The following SCHIP1 variants were observed in gnomAD, a reference collection of about 807,000 sequenced individuals.
SCHIP1 encodes schwannomin interacting protein 1.
In SCHIP1, 8 loss-of-function variants were observed where a neutral mutation model predicts 29.7. The ratio of observed to expected loss-of-function variants is 0.27; its 90% CI spans 0.16 to 0.49. The LOEUF is 0.49. Among genes scored for constraint, SCHIP1 ranks in the 20% least tolerant of loss-of-function variants. SCHIP1 has a pLI of 0.99. For missense variants in SCHIP1, 193 were observed against 294.6 expected (o/e 0.66, Z 2.52); for synonymous variants, 76 against 94.9 (o/e 0.80, Z 1.16).
At chr3:159,578,114 T>A in the SCHIP1 span, among the ~76,000 whole-genome samples, 1 of 152,040 alleles carries the variant, frequency 6.6e-6, no homozygotes. Flanking sequence ...AACTCACAGG[T>A]GACAATGTTG....
At chr3:159,765,364 C>T in the SCHIP1 span, 1 of 502,954 alleles carries the variant, frequency 2.0e-6, no homozygotes, top group Non-Finnish European at 3.4e-6. Context: ...GGAGGAGCAG[C>T]CAGAGGGCAG....
the SCHIP1 span, among the ~76,000 whole-genome samples, chr3:159,540,657 C>A: frequency 6.6e-6 from 1 of 152,034 alleles, no homozygotes; most frequent in African/African-American, 2.4e-5. Flanking sequence ...CAACATGACC[C>A]ATAGAGGGTT....
chr3:159,882,248 G>GTGAT (rs1447105246), intron 2 of SCHIP1, among the ~76,000 whole-genome samples: 3 of 152,136 alleles, frequency 2.0e-5, no homozygotes, highest in African/African-American at 7.2e-5. Context: ...TAATCCACAG[G>GTGAT]TGATTATACA....
the SCHIP1 span, among the ~76,000 whole-genome samples, chr3:159,759,275 A>G: frequency 6.6e-6 from 1 of 152,234 alleles, no homozygotes; most frequent in Admixed American, 6.5e-5. Context: ...AGTTAAGATT[A>G]ACCCATTGGC....
At chr3:159,757,902 T>C in the SCHIP1 span, among the ~76,000 whole-genome samples, 1 of 152,210 alleles carries the variant, frequency 6.6e-6, no homozygotes, top group East Asian at 1.9e-4. Context: ...CAGTTTTAAA[T>C]TCCTAGAGTA....
the SCHIP1 span, among the ~76,000 whole-genome samples, chr3:159,606,007 A>C: frequency 6.6e-6 from 1 of 152,206 alleles, no homozygotes; most frequent in Non-Finnish European, 1.5e-5. Flanking sequence ...GCTGCCTCAC[A>C]TAGCAGAAAG....
the SCHIP1 span, among the ~76,000 whole-genome samples, chr3:159,481,344 T>C: frequency 6.6e-6 from 1 of 152,218 alleles, no homozygotes; most frequent in African/African-American, 2.4e-5. Flanking sequence ...TTTTAGGTGA[T>C]ACAGTCTACA....
At chr3:159,693,910 C>T in the SCHIP1 span, among the ~76,000 whole-genome samples, 7 of 152,262 alleles carry the variant, frequency 4.6e-5, no homozygotes, top group South Asian at 8.3e-4. Flanking sequence ...GTACGTGTGT[C>T]GTGAAGATCA....
the SCHIP1 span, among the ~76,000 whole-genome samples, chr3:159,370,573 A>T: frequency 1.8e-3 from 278 of 152,332 alleles, 2 homozygotes; most frequent in African/African-American, 6.5e-3. Context: ...GAGTGTTTCC[A>T]GAAGAAAGCA....
the SCHIP1 span, among the ~76,000 whole-genome samples, chr3:159,367,116 A>G: frequency 3.3e-5 from 5 of 152,036 alleles, no homozygotes; most frequent in South Asian, 8.3e-4. Context: ...GCCATACCCA[A>G]CCTATCTCAA....
At chr3:159,897,019 A>C in exon 7 of SCHIP1, 1 of 331,852 alleles carries the variant, frequency 3.0e-6, no homozygotes. Context: ...ACCACCACAA[A>C]TCATGGTTAA....
At chr3:159,681,817 TTAACTTAGGTTAACTTGGGTTAACTCAAC>T in the SCHIP1 span, among the ~76,000 whole-genome samples, 1 of 152,212 alleles carries the variant, frequency 6.6e-6, no homozygotes, top group Non-Finnish European at 1.5e-5. Context: ...TAACTCAACG[TTAACTTAGGTTAACTTGGGTTAACTCAAC>T]GTTAACTTAG....
the SCHIP1 span, among the ~76,000 whole-genome samples, chr3:159,327,883 T>A: frequency 6.6e-6 from 1 of 152,146 alleles, no homozygotes; most frequent in Non-Finnish European, 1.5e-5. Flanking sequence ...CTGGAGGGTA[T>A]ATGAGGAAGA....
chr3:159,685,995 C>G, the SCHIP1 span, among the ~76,000 whole-genome samples: 2 of 152,330 alleles, frequency 1.3e-5, no homozygotes, highest in Non-Finnish European at 2.9e-5. Flanking sequence ...CCTATTTGGA[C>G]TGTGAAACTG....
At chr3:159,665,486 C>T in the SCHIP1 span, among the ~76,000 whole-genome samples, 51 of 152,124 alleles carry the variant, frequency 3.4e-4, no homozygotes, top group Non-Finnish European at 4.9e-4. Flanking sequence ...CCATTTCACA[C>T]GGGTCAAACA....
the SCHIP1 span, among the ~76,000 whole-genome samples, chr3:159,511,651 A>G: frequency 1.3e-5 from 2 of 152,108 alleles, no homozygotes; most frequent in South Asian, 4.1e-4. Flanking sequence ...TGGTTTCAGT[A>G]CAAGGATAGA....
chr3:159,823,577 C>G, the SCHIP1 span, among the ~76,000 whole-genome samples: 1 of 152,116 alleles, frequency 6.6e-6, no homozygotes, highest in African/African-American at 2.4e-5. Flanking sequence ...TTCCTCCTCT[C>G]CTCCCTCAGC....
chr3:159,283,433 G>A, the SCHIP1 span, among the ~76,000 whole-genome samples: 4 of 152,276 alleles, frequency 2.6e-5, no homozygotes, highest in South Asian at 8.3e-4. Context: ...TGGGATTACA[G>A]GCGTGAACCA....
rs1209969713 is a variant in SCHIP1, at chr3:159,861,446, A to G, written c.31-4717A>G. 6.6e-6 allele frequency among the ~76,000 whole-genome samples: 1 copy of G among 152,204 alleles called. No homozygotes were observed. Among genetic ancestry groups the G allele is most frequent in the Non-Finnish European group, 1.5e-5 (1 of 68,040 alleles). ...TGCAGTAGAACAGGGCACATCAGGAAAGGCTGAGCATTGGTGTTCAGAGTC... is the reference window on the plus strand; with the variant it reads ...TGCAGTAGAACAGGGCACATCAGGAGAGGCTGAGCATTGGTGTTCAGAGTC... On this transcript the variant is annotated intron_variant, in intron 1 of 6. Transcript: ENST00000445224. The surrounding 1 kb of genome is among the most constrained non-coding windows in gnomAD (Gnocchi z 4.1).
Sources: allele counts gnomAD v4.1 joint callset (sites outside exome capture counted in the v4.1 genomes callset), GRCh38; gene constraint gnomAD v4.1.1; non-coding constraint Gnocchi (gnomAD v3.1); transcripts MANE v1.5; gene names NCBI Gene and HGNC (gene_info 2026-07-23, HGNC 2026-07-21).